LTBP3: variants seen among roughly 807,000 people sequenced by gnomAD.
LTBP3 encodes latent transforming growth factor beta binding protein 3, also known as latent-transforming growth factor beta-binding protein 3.
A neutral mutation model predicts 159.7 loss-of-function variants in LTBP3; 97 were observed. The observed-to-expected ratio is 0.61, with a 90% CI of 0.52 to 0.72. LTBP3 has a LOEUF of 0.72. Among genes scored for constraint, LTBP3 ranks in the 30% least tolerant of loss-of-function variants. The probability of loss-of-function intolerance (pLI) is 0.00; values close to 1 mark genes in which losing one functional copy is unlikely to be tolerated. For missense variants in LTBP3, 1,584 were observed against 1,864.3 expected, an observed-to-expected ratio of 0.85 and a Z score of 2.77; for synonymous variants, 824 against 777.1, an observed-to-expected ratio of 1.06 and a Z score of -1.00.
chr11:65,555,053 T>G (rs992858037), intron 1 of LTBP3, among the ~76,000 whole-genome samples: 1 of 152,044 alleles, frequency 6.6e-6, no homozygotes, highest in Non-Finnish European at 1.5e-5. Flanking sequence ...CCACCAGGCA[T>G]CCACAGCTGA....
rs1275283504 is a variant in LTBP3, at chr11:65,540,466, C to T, written c.3106+20G>A. The T allele has an allele frequency of 2.5e-6, 4 of 1,612,718 alleles. No homozygotes were observed. Among genetic ancestry groups the T allele is most frequent in the South Asian group, 1.1e-5 (1 of 91,036 alleles). On this transcript the variant is annotated intron_variant, in intron 22 of 27. Transcript: ENST00000301873. The stretch of plus-strand genomic sequence containing the variant: ...TGTCTCCCTGCCGCTTCCCCACGGC[C>T]GCCGGGGGGCGGAGCTCACCCACGC...
intron 24 of LTBP3, 61 bp from the exon 25 acceptor site, chr11:65,539,942 C>T: frequency 6.8e-7 from 1 of 1,467,144 alleles, no homozygotes; most frequent in Non-Finnish European, 9.0e-7. Context: ...GCCTCCGCCC[C>T]ACCCCACCTG....
rs558144911 is a variant in LTBP3, at chr11:65,539,807, C to G, written c.3460G>C (p.Gly1154Arg). The G allele has an allele frequency of 1.3e-6, 2 of 1,537,280 alleles. No homozygotes were observed. Among genetic ancestry groups the G allele is most frequent in the Admixed American group, 2.0e-5 (1 of 50,840 alleles). ...EDGMCAGPLA[G>R]PALTFDDCCC... ...CAGTCGTCGAAGGTGAGGGCAGGCC[C>G]GGCCAGGGGGCCAGCGCACATGCCG... The change falls in exon 25 of 28, where the codon GGG becomes CGG. Residue 1154 changes from glycine (G) to arginine (R), a missense_variant. Physicochemically the swap from Gly to Arg is moderately radical, Grantham distance 125. Coordinates refer to ENST00000301873, the MANE Select transcript of LTBP3 (RefSeq NM_001130144.3).
intron 10 of LTBP3, 79 bp downstream of exon 10, chr11:65,551,323 C>T (rs1479267206): frequency 1.5e-5 from 23 of 1,561,686 alleles, no homozygotes; most frequent in Non-Finnish European, 1.9e-5. Context: ...TTGACTGTCC[C>T]CGAGTACTTA....
At chr11:65,543,005 T>TTGGA (rs1856219332) in intron 18 of LTBP3, 100 bp downstream of exon 18, 1 of 1,477,446 alleles carries the variant, frequency 6.8e-7, no homozygotes, top group Non-Finnish European at 9.3e-7. Context: ...TGAAGGATGG[T>TTGGA]TGGATGGGTG....
rs1472557644 is a variant in LTBP3, at chr11:65,539,118, G to A, written c.3874C>T (p.Arg1292Cys). The change falls in exon 28 of 28, where the codon CGC (arginine) becomes TGC (cysteine). Residue 1292 changes from arginine to cysteine, a missense_variant. Around this residue, in one of 6 missense-constraint regions of LTBP3, gnomAD observed 514 missense variants for 530.3 expected, o/e 0.97. Transcript: ENST00000301873. Reference sequence around the variant, plus strand: ...TGGGGAACGCAGGCCCCGTGCGGGCGGCTGCGCGCGAAGCCGGCTTTGCAG... The same window carrying A: ...TGGGGAACGCAGGCCCCGTGCGGGCAGCTGCGCGCGAAGCCGGCTTTGCAG... The part of the protein sequence containing the change: ...CVCKAGFARS[R>C]PHGACVPQRR... The A allele has an allele frequency of 1.4e-6, 2 of 1,474,446 alleles. No homozygotes were observed. The highest frequency in any genetic ancestry group is 9.0e-7 in the Non-Finnish European group (1 of 1,110,344). 91.3% of individuals were successfully genotyped at this position (1,474,446 alleles called of 1,614,324 possible).
chr11:65,539,185 C>G lies in LTBP3; in HGVS notation c.3807G>C (p.Lys1269Asn). ...RELNQRGLLC[K>N]SERCVNTSGS... ...CGCTGGTGTTCACGCAGCGCTCGCT[C>G]TTGCACAGCAGCCCGCGCTGGTTCA... The change falls in exon 28 of 28, where the codon AAG (lysine) becomes AAC (asparagine). Residue 1269 changes from lysine to asparagine, a missense_variant. Lys to Asn is a moderately conservative substitution (Grantham distance 94). This residue lies in a region of LTBP3 where 514 missense variants were observed against 530.3 expected (regional missense o/e 0.97). Coordinates refer to ENST00000301873, the MANE Select transcript of LTBP3 (RefSeq NM_001130144.3). 7.2e-6 allele frequency: 11 copies of G among 1,521,260 alleles called. No individual in the cohort carries two copies. The highest frequency in any genetic ancestry group is 1.2e-5 in the South Asian group (1 of 82,646). The allele number at this position is 1,521,260 out of a possible 1,614,324, so 94.2% of individuals were successfully genotyped here. A position where few individuals can be genotyped will look rare whatever the true frequency, so the allele number is the denominator to read the frequency against.
rs955388206 is a variant in LTBP3 at position 65,552,649 on chromosome 11, T to C, written c.1186+211A>G. ...CTACTCATCAAGCCTATGTTCTGCA[T>C]GACTCTGACTCTATGTAATCCCTGA... On this transcript the variant is annotated intron_variant, in intron 6 of 27. Coordinates refer to ENST00000301873, the MANE Select transcript of LTBP3 (RefSeq NM_001130144.3). The surrounding 1 kb of genome is among the most constrained non-coding windows in gnomAD (Gnocchi z 6.0). 2.0e-5 allele frequency among the ~76,000 whole-genome samples: 3 copies of C among 152,178 alleles called. No individual in the cohort carries two copies. Among genetic ancestry groups the C allele is most frequent in the Admixed American group, 6.5e-5 (1 of 15,278 alleles).
chr11:65,558,059 G>T lies in LTBP3; in HGVS notation c.-100C>A, dbSNP rs1480725284. ...GGCCGGGAGCCCCGGGAGAGGGTAG[G>T]GGGCAGCGAGGGAGGGCAGCGGGGG... On this transcript the variant is annotated 5_prime_UTR_variant, in exon 1 of 28. Coordinates refer to ENST00000301873, the MANE Select transcript of LTBP3 (RefSeq NM_001130144.3). 4.9e-5 allele frequency: 52 copies of T among 1,066,886 alleles called. No homozygotes were observed. In the East Asian group the frequency reaches 2.7e-3, roughly 56 times the overall value. 66.1% of individuals were successfully genotyped at this position (1,066,886 alleles called of 1,614,324 possible). A position where few individuals can be genotyped will look rare whatever the true frequency, so the allele number is the denominator to read the frequency against.
In LTBP3 at chr11:65,546,145, A is replaced by G. The variant is rs1320907133; in HGVS notation, c.2353+297T>C. 2 of 432,914 alleles carry G rather than the reference A, an allele frequency of 4.6e-6. No homozygotes were observed. The highest frequency in any genetic ancestry group is 4.5e-5 in the East Asian group (1 of 22,224). 26.8% of individuals were successfully genotyped at this position (432,914 alleles called of 1,614,324 possible). On this transcript the variant is annotated intron_variant, in intron 16 of 27. Coordinates refer to ENST00000301873, the MANE Select transcript of LTBP3 (RefSeq NM_001130144.3). This position sits in a 1 kb window ranked among gnomAD's most constrained non-coding sequence, Gnocchi z 4.0. The stretch of plus-strand genomic sequence containing the variant: ...CCAGCCCCGCCTCTTGGCGTATAAT[A>G]AACAGGAGTGCAGGGGGGAGTACTA...
chr11:65,546,664 G>A lies in LTBP3; in HGVS notation c.2231-100C>T, dbSNP rs945217982. ...TCTTCCCTGGAACGCGGGGTTGAGA[G>A]GGCAGCCTCTACTCCCGGAAGGCCC... On this transcript the variant is annotated intron_variant, in intron 15 of 27. Transcript: ENST00000301873. This position sits in a 1 kb window ranked among gnomAD's most constrained non-coding sequence, Gnocchi z 4.0. 4.7e-5 allele frequency: 74 copies of A among 1,564,718 alleles called. No individual in the cohort carries two copies. The highest frequency in any genetic ancestry group is 5.7e-5 in the Non-Finnish European group (66 of 1,161,294).
At chr11:65,545,235 C>T (rs991072311) in intron 16 of LTBP3, 1 of 191,022 alleles carries the variant, frequency 5.2e-6, no homozygotes, top group Non-Finnish European at 1.1e-5. Flanking sequence ...TCCTCCAACG[C>T]CTTCCGCAGC....
Position 65,558,130 on chromosome 11 carries a change from A to T in LTBP3, c.-171T>A. 1 of 1,080,396 alleles carries T rather than the reference A, an allele frequency of 9.3e-7. No individual in the cohort carries two copies. The highest frequency in any genetic ancestry group is 1.1e-6 in the Non-Finnish European group (1 of 890,342). The allele number at this position is 1,080,396 out of a possible 1,614,324, so 66.9% of individuals were successfully genotyped here. A position where few individuals can be genotyped will look rare whatever the true frequency, so the allele number is the denominator to read the frequency against. ...CGGGGGCCCGGCGGGAGGCGCGGAG[A>T]TGCAGACTGGACAGCGGGGAGCGCA... On this transcript the variant is annotated 5_prime_UTR_variant, in exon 1 of 28. Transcript: ENST00000301873.
At position 65,552,041 on chromosome 11, in the gene LTBP3, G is replaced by GT; in HGVS notation, c.1461dup (p.Pro488ThrfsTer11). ...CTCTCCGGAAGCTGCTGGGGCTTGG[G>GT]TGGCCCGTCAGGGTGCAGGAAAAGG... On this transcript the variant is annotated frameshift_variant, in exon 8 of 28. Transcript: ENST00000301873. LOFTEE classifies it high-confidence loss of function. This position sits in a 1 kb window ranked among gnomAD's most constrained non-coding sequence, Gnocchi z 6.0. The GT allele has an allele frequency of 6.2e-7, 1 of 1,614,100 alleles. No individual in the cohort carries two copies. The highest frequency in any genetic ancestry group is 1.1e-5 in the South Asian group (1 of 91,082).
intron 20 of LTBP3, 21 bp from the exon 21 acceptor site, chr11:65,540,975 T>A (rs1481793203): frequency 6.2e-7 from 1 of 1,609,260 alleles, no homozygotes; most frequent in South Asian, 1.1e-5. Context: ...AGGGCGGCCG[T>A]GGGGAGGGAA....
At chr11:65,548,856 T>C (rs1856489505) in intron 11 of LTBP3, 8 of 152,278 alleles carry the variant, frequency 5.3e-5, no homozygotes, top group Admixed American at 5.2e-4. Context: ...TGAGGGGCCT[T>C]GTCCACATTC....
rs773943102 is a variant in LTBP3 at position 65,554,417 on chromosome 11, CCTGT to C, written c.332-41_332-38del. ...AGTGGGGTCAGGCCCTCACCCACAT[CCTGT>C]CTCTTTCCCCTCCTCCCTACTTCCT... On this transcript the variant is annotated intron_variant, in intron 1 of 27. Transcript: ENST00000301873. The surrounding 1 kb of genome is among the most constrained non-coding windows in gnomAD (Gnocchi z 5.3). 1 of 1,542,850 alleles carries C rather than the reference CCTGT, an allele frequency of 6.5e-7. No homozygotes were observed. The highest frequency in any genetic ancestry group is 2.3e-5 in the East Asian group (1 of 43,754).
At position 65,538,805 on chromosome 11, in the gene LTBP3, C is replaced by T. The variant is rs1855885010; in HGVS notation, c.*275G>A. 3 of 827,094 alleles carry T rather than the reference C, an allele frequency of 3.6e-6. No individual in the cohort carries two copies. Among genetic ancestry groups the T allele is most frequent in the Non-Finnish European group, 5.3e-6 (3 of 566,900 alleles). The allele number at this position is 827,094 out of a possible 1,614,324, so 51.2% of individuals were successfully genotyped here. On this transcript the variant is annotated 3_prime_UTR_variant, in exon 28 of 28. Coordinates refer to ENST00000301873, the MANE Select transcript of LTBP3 (RefSeq NM_001130144.3). ...GTCAGACGTGAACATCAATTTGCTT[C>T]GAAAGCCAAGGGTAAAGAGGCACGA...
intron 18 of LTBP3, 62 bp downstream of exon 18, chr11:65,543,043 G>A: frequency 1.9e-6 from 3 of 1,606,552 alleles, no homozygotes; most frequent in Non-Finnish European, 2.5e-6. Flanking sequence ...AGGCCACAGT[G>A]TGTCTAGGGA....
Sources: allele counts gnomAD v4.1 joint callset (sites outside exome capture counted in the v4.1 genomes callset), GRCh38; gene constraint gnomAD v4.1.1; regional missense constraint gnomAD v4.1.1; non-coding constraint Gnocchi (gnomAD v3.1); transcripts MANE v1.5; gene names NCBI Gene and HGNC (gene_info 2026-07-23, HGNC 2026-07-21).